The following MELK variants were observed in gnomAD, a reference collection of about 807,000 sequenced individuals.
The protein encoded by MELK is maternal embryonic leucine zipper kinase.
MELK carries 81 observed loss-of-function variants against 85.0 expected under a neutral mutation model. That is an observed-to-expected ratio of 0.95 (90% CI 0.80 to 1.15). The LOEUF (loss-of-function observed/expected upper bound fraction) is 1.15. Ranked by LOEUF, MELK falls within the 50% of genes most tolerant of loss-of-function variation. The probability of loss-of-function intolerance (pLI) is 0.00; values close to 1 mark genes in which losing one functional copy is unlikely to be tolerated. For synonymous variants in MELK, 252 were observed against 265.0 expected (o/e 0.95, Z 0.48); for missense variants, 754 against 777.5 (o/e 0.97, Z 0.36).
At chr9:36,651,662 C>T in intron 11 of MELK, 84 bp from the exon 12 acceptor site, 1 of 1,503,354 alleles carries the variant, frequency 6.7e-7, no homozygotes, top group Non-Finnish European at 9.0e-7. Flanking sequence ...GAATGTTACA[C>T]TGAAGAAAAA....
intron 8 of MELK, among the ~76,000 whole-genome samples, chr9:36,621,306 A>AAAAAAAAAAAC (rs1484465809): frequency 7.1e-6 from 1 of 140,718 alleles, no homozygotes; most frequent in East Asian, 2.0e-4. Flanking sequence ...AAAAAAAAAA[A>AAAAAAAAAAAC]AAAAAAAAAA....
intron 8 of MELK, among the ~76,000 whole-genome samples, chr9:36,623,465 G>A (rs35157640): frequency 2.8e-3 from 427 of 152,344 alleles, no homozygotes; most frequent in Non-Finnish European, 4.3e-3. Flanking sequence ...ATGAAGTTGA[G>A]AATGTCAGGA....
intron 8 of MELK, chr9:36,630,080 G>A (rs759659970): frequency 2.1e-5 from 10 of 486,556 alleles, no homozygotes; most frequent in Non-Finnish European, 3.7e-5. Context: ...CCTGATCTCA[G>A]GTGATCTGCC....
intron 2 of MELK, among the ~76,000 whole-genome samples, chr9:36,583,021 T>C (rs1437478525): frequency 6.6e-6 from 1 of 151,552 alleles, no homozygotes; most frequent in African/African-American, 2.4e-5. Context: ...TCGCCCAGGC[T>C]GGAGTGCAGT....
chr9:36,578,896 G>A (rs1003697008), intron 1 of MELK, among the ~76,000 whole-genome samples: 1 of 152,158 alleles, frequency 6.6e-6, no homozygotes, highest in Non-Finnish European at 1.5e-5. Flanking sequence ...AGGCTGGAGT[G>A]CAGTGGCACG....
chr9:36,646,680 T>A (rs2137064030), intron 11 of MELK, among the ~76,000 whole-genome samples: 1 of 152,292 alleles, frequency 6.6e-6, no homozygotes, highest in African/African-American at 2.4e-5. Context: ...TTCGAGAACC[T>A]ATTCAGTCCA....
At chr9:36,633,950 G>A (rs1025063285) in intron 10 of MELK, among the ~76,000 whole-genome samples, 4 of 152,246 alleles carry the variant, frequency 2.6e-5, no homozygotes, top group Middle Eastern at 3.4e-3. Context: ...CTTGACAAAT[G>A]GTAGTTTCTT....
chr9:36,596,227 A>T (rs780225657), intron 5 of MELK, among the ~76,000 whole-genome samples: 1 of 152,188 alleles, frequency 6.6e-6, no homozygotes, highest in Non-Finnish European at 1.5e-5. Context: ...GACTCTCAGA[A>T]CACCAAGGAG....
intron 10 of MELK, 76 bp downstream of exon 10, chr9:36,633,276 T>A: frequency 1.0e-6 from 1 of 995,850 alleles, no homozygotes; most frequent in Non-Finnish European, 1.5e-6. Flanking sequence ...CCTACAATGA[T>A]GTGGTCTAAA....
chr9:36,573,709 G>C (rs564943360), intron 1 of MELK, among the ~76,000 whole-genome samples: 1 of 152,126 alleles, frequency 6.6e-6, no homozygotes, highest in Non-Finnish European at 1.5e-5. Context: ...GTTTCACCAC[G>C]TTGGCCAGGC....
intron 10 of MELK, among the ~76,000 whole-genome samples, chr9:36,638,786 C>G (rs922724523): frequency 6.6e-6 from 1 of 152,132 alleles, no homozygotes; most frequent in Non-Finnish European, 1.5e-5. Context: ...ATCTGTACGC[C>G]AATCCTCCGA....
rs112982020 is a variant in MELK, at chr9:36,602,559, C to CT, written c.567+3090dup. Among the ~76,000 whole-genome samples, 713 of 119,580 alleles carry CT rather than the reference C, an allele frequency of 6.0e-3. 35 individuals carry two copies. The South Asian group carries it at 0.11, about 18-fold the overall frequency. The allele number at this position is 119,580 out of a possible 152,430, so 78.4% of individuals were successfully genotyped here. ...ATAATTTTCAATTAAGCTCTACAGA[C>CT]TTTTTTTTTTTTTTTTTGAGATGGA... On this transcript the variant is annotated intron_variant, in intron 7 of 17. Coordinates refer to ENST00000298048, the MANE Select transcript of MELK (RefSeq NM_014791.4).
At chr9:36,573,806 C>T (rs1564109216) in intron 1 of MELK, among the ~76,000 whole-genome samples, 2 of 152,074 alleles carry the variant, frequency 1.3e-5, no homozygotes, top group African/African-American at 4.8e-5. Context: ...CACGCCCGGC[C>T]TAAAAGGGGA....
rs1330685481 is a variant in MELK at position 36,597,264 on chromosome 9, G to C, written c.448G>C (p.Asp150His). The change falls in exon 6 of 18, where the codon GAC (aspartate) becomes CAC (histidine). Residue 150 changes from aspartate (D) to histidine (H), a missense_variant. Asp to His is a moderately conservative substitution (Grantham distance 81, BLOSUM62 -1). Coordinates refer to ENST00000298048, the MANE Select transcript of MELK (RefSeq NM_014791.4). ...TGAATATCATAAATTAAAGCTGATT[G>C]ACTTTGGTCTCTGTGCAAAACCCAA... The part of the protein sequence containing the change: ...FDEYHKLKLI[D>H]FGLCAKPKGN... 5.0e-6 allele frequency: 8 copies of C among 1,613,700 alleles called. No individual in the cohort carries two copies. Among genetic ancestry groups the C allele is most frequent in the Non-Finnish European group, 5.9e-6 (7 of 1,179,812 alleles).
At chr9:36,620,751 A>G (rs1281271964) in intron 8 of MELK, among the ~76,000 whole-genome samples, 1 of 151,300 alleles carries the variant, frequency 6.6e-6, no homozygotes, top group South Asian at 2.1e-4. Flanking sequence ...GGGTTTCACC[A>G]TATTGGCCAG....
rs139684206 is a variant in MELK, at chr9:36,602,362, G to A, written c.567+2876G>A. On this transcript the variant is annotated intron_variant, in intron 7 of 17. Coordinates refer to ENST00000298048, the MANE Select transcript of MELK (RefSeq NM_014791.4). ...AAAAATTAGCTAGGCATGGTGATGC[G>A]CACCTGTAATCCCAGCTACTTGGGG... Among the ~76,000 whole-genome samples, 1,212 of 151,174 alleles carry A rather than the reference G, an allele frequency of 8.0e-3. 11 individuals carry two copies. The highest frequency in any genetic ancestry group is 0.028 in the African/African-American group (1,158 of 41,210).
Position 36,597,300 on chromosome 9 carries a change from G to T in MELK, c.474+10G>T, listed in dbSNP as rs756583181. The T allele has an allele frequency of 1.9e-6, 3 of 1,602,844 alleles. No individual in the cohort carries two copies. The highest frequency in any genetic ancestry group is 2.6e-6 in the Non-Finnish European group (3 of 1,170,186). On this transcript the variant is annotated intron_variant, in intron 6 of 17. Coordinates refer to ENST00000298048, the MANE Select transcript of MELK (RefSeq NM_014791.4). ...CTGTGCAAAACCCAAGGTAAGTGCA[G>T]AAATAAGATGCATCTATGTTCTTTG...
At chr9:36,662,775 G>A (rs1440762292) in intron 13 of MELK, among the ~76,000 whole-genome samples, 2 of 152,126 alleles carry the variant, frequency 1.3e-5, no homozygotes, top group African/African-American at 4.8e-5. Flanking sequence ...TCAGTCTAGT[G>A]CCTTTTTAGT....
Position 36,644,483 on chromosome 9 carries a change from T to A in MELK, c.921+1400T>A, listed in dbSNP as rs942608781. ...GAAAATATAAAGGAATTCTTCTGAATGACATAATAAGTAAAGACACACAGA... is the reference window on the plus strand; with the variant it reads ...GAAAATATAAAGGAATTCTTCTGAAAGACATAATAAGTAAAGACACACAGA... On this transcript the variant is annotated intron_variant, in intron 11 of 17. Transcript: ENST00000298048. 4.6e-5 allele frequency among the ~76,000 whole-genome samples: 7 copies of A among 152,302 alleles called. No homozygotes were observed. The South Asian group carries it at 1.0e-3, about 23-fold the overall frequency.
Sources: gnomAD v4.1 joint callset for allele counts (sites outside exome capture counted in the v4.1 genomes callset) on GRCh38, gnomAD v4.1.1 for gene constraint, MANE v1.5 for transcripts, NCBI Gene and HGNC (gene_info 2026-07-23, HGNC 2026-07-21) for gene names.